KMT2C: variants seen among roughly 807,000 people sequenced by gnomAD.
KMT2C encodes histone-lysine N-methyltransferase 2C.
Under a neutral mutation model 507.9 loss-of-function variants are expected in KMT2C, and 88 were observed. The observed-to-expected ratio is 0.17, with a 90% CI of 0.15 to 0.21. The LOEUF is 0.21. Among genes scored for constraint, KMT2C ranks in the 10% least tolerant of loss-of-function variants. The pLI, the probability that KMT2C is intolerant of heterozygous loss-of-function variation, is 1.00. For missense variants in KMT2C, 4,954 were observed against 5,957.8 expected, an observed-to-expected ratio of 0.83 and a Z score of 5.55; for synonymous variants, 2,049 against 2,080.8, an observed-to-expected ratio of 0.98 and a Z score of 0.42.
intron 1 of KMT2C, among the ~76,000 whole-genome samples, chr7:152,415,139 C>T (rs1254558137): frequency 6.6e-6 from 1 of 152,084 alleles, no homozygotes; most frequent in African/African-American, 2.4e-5. Context: ...ATCCGGCCTT[C>T]AATATTTTCT....
Position 152,224,702 on chromosome 7 carries a change from T to A in KMT2C, c.2977-86A>T, listed in dbSNP as rs984144329. 1.8e-5 allele frequency: 16 copies of A among 866,388 alleles called. No homozygotes were observed. In the African/African-American group the frequency reaches 2.7e-4, roughly 15 times the overall value. The allele number at this position is 866,388 out of a possible 1,614,324, so 53.7% of individuals were successfully genotyped here. A position where few individuals can be genotyped will look rare whatever the true frequency, so the allele number is the denominator to read the frequency against. ...TATATAAATTAATATGGTGCTTATG[T>A]ACCTAGAAGCAGAAAAGAGGCAATC... is the stretch of plus-strand genomic sequence containing the variant. On this transcript the variant is annotated intron_variant, in intron 18 of 58. Transcript: ENST00000262189.
chr7:152,239,235 A>G (rs1280026710), intron 14 of KMT2C, among the ~76,000 whole-genome samples: 1 of 152,220 alleles, frequency 6.6e-6, no homozygotes, highest in Non-Finnish European at 1.5e-5. Context: ...ACTTAAAAGG[A>G]GAAATGGATA....
chr7:152,147,343 GT>G (rs2129094409), intron 52 of KMT2C, among the ~76,000 whole-genome samples: 1 of 152,082 alleles, frequency 6.6e-6, no homozygotes, highest in African/African-American at 2.4e-5. Flanking sequence ...AATGTATACA[GT>G]ATGATTTAGA....
At chr7:152,155,839 CACAT>C (rs895864330) in intron 46 of KMT2C, 67 bp downstream of exon 46, 4 of 1,411,210 alleles carry the variant, frequency 2.8e-6, no homozygotes, top group African/African-American at 1.5e-5. Context: ...GACATTATGC[CACAT>C]ACATACATTT....
rs1047338409 is a variant in KMT2C at position 152,158,769 on chromosome 7, C to A, written c.11670+94G>T. On this transcript the variant is annotated intron_variant, in intron 44 of 58. Coordinates refer to ENST00000262189, the MANE Select transcript of KMT2C (RefSeq NM_170606.3). ...GCCTCAAGTGATCCACCTGCCTCAGCCTCCCAAAGTGCTGGGATTACAGGC... is the reference window on the plus strand; with the variant it reads ...GCCTCAAGTGATCCACCTGCCTCAGACTCCCAAAGTGCTGGGATTACAGGC... 3.5e-6 allele frequency: 4 copies of A among 1,137,774 alleles called. No individual in the cohort carries two copies. The African/African-American group carries it at 4.6e-5, about 13-fold the overall frequency. The allele number at this position is 1,137,774 out of a possible 1,614,324, so 70.5% of individuals were successfully genotyped here. A position where few individuals can be genotyped will look rare whatever the true frequency, so the allele number is the denominator to read the frequency against.
At chr7:152,302,175 A>G (rs977861043) in intron 6 of KMT2C, among the ~76,000 whole-genome samples, 1 of 152,162 alleles carries the variant, frequency 6.6e-6, no homozygotes, top group South Asian at 2.1e-4. Flanking sequence ...GAAGGAAGAG[A>G]TTACCAATTC....
intron 3 of KMT2C, among the ~76,000 whole-genome samples, chr7:152,322,587 G>A (rs1171562817): frequency 2.0e-5 from 3 of 151,906 alleles, no homozygotes; most frequent in Admixed American, 6.6e-5. Context: ...TTATGTTTCG[G>A]ATGTCAAACT....
At chr7:152,298,376 A>T (rs1311781409) in intron 6 of KMT2C, among the ~76,000 whole-genome samples, 9 of 152,210 alleles carry the variant, frequency 5.9e-5, no homozygotes, top group African/African-American at 1.9e-4. Context: ...GTTCAAAATC[A>T]GGGATATATT....
At chr7:152,178,392 A>G (rs750675864) in intron 37 of KMT2C, among the ~76,000 whole-genome samples, 9 of 152,156 alleles carry the variant, frequency 5.9e-5, no homozygotes, top group Non-Finnish European at 1.3e-4. Flanking sequence ...GAGGAAGCTG[A>G]TTCGGGGATG....
intron 7 of KMT2C, among the ~76,000 whole-genome samples, chr7:152,269,697 C>CACAAAAGTA (rs2095924283): frequency 2.0e-5 from 3 of 152,120 alleles, no homozygotes; most frequent in African/African-American, 2.4e-5. Flanking sequence ...GCAAACTTTA[C>CACAAAAGTA]TACTGATCAA....
intron 8 of KMT2C, 149 bp from the exon 9 acceptor site, chr7:152,263,279 C>A (rs754595312): frequency 1.6e-5 from 10 of 616,836 alleles, no homozygotes; most frequent in African/African-American, 7.5e-5. Flanking sequence ...ACAGAGGTAA[C>A]CCTGCCATAA....
In KMT2C at chr7:152,351,781, C is replaced by T. The variant is rs533676541; in HGVS notation, c.250+6806G>A. Among the ~76,000 whole-genome samples, 35 of 152,226 alleles carry T rather than the reference C, an allele frequency of 2.3e-4. 1 individual carries two copies. The highest frequency in any genetic ancestry group is 1.2e-3 in the Admixed American group (18 of 15,292). On this transcript the variant is annotated intron_variant, in intron 2 of 58. Transcript: ENST00000262189. ...GCACTTATCACTTCCCCAATCAATA[C>T]CCTTGTGATTTCCTATGCCTGTCTT...
chr7:152,215,688 T>TATATATATATATATAC (rs766518165), intron 23 of KMT2C, among the ~76,000 whole-genome samples: 23 of 134,496 alleles, frequency 1.7e-4, no homozygotes, highest in African/African-American at 7.4e-4. Flanking sequence ...TATATATATA[T>TATATATATATATATAC]ACACACACAC....
chr7:152,155,240 C>T (rs983634328), intron 46 of KMT2C, among the ~76,000 whole-genome samples: 1 of 152,152 alleles, frequency 6.6e-6, no homozygotes, highest in Non-Finnish European at 1.5e-5. Flanking sequence ...TTCTCCACTT[C>T]GGTCCAAAGT....
chr7:152,219,278 C>CTTCT (rs112577043), intron 23 of KMT2C, among the ~76,000 whole-genome samples: 15,585 of 152,008 alleles, frequency 0.1, 1,742 homozygotes, highest in African/African-American at 0.28. Context: ...CCAGGCAATT[C>CTTCT]TTATCAAACT....
chr7:152,329,930 GATCA>G (rs990915899), intron 3 of KMT2C, among the ~76,000 whole-genome samples: 5 of 152,166 alleles, frequency 3.3e-5, no homozygotes, highest in Admixed American at 2.6e-4. Context: ...TGGATCATGA[GATCA>G]GGAGATCGAG....
At chr7:152,201,086 G>A (rs2094122267) in intron 26 of KMT2C, among the ~76,000 whole-genome samples, 1 of 152,116 alleles carries the variant, frequency 6.6e-6, no homozygotes, top group South Asian at 2.1e-4. Context: ...ATAAATCTGA[G>A]AAATCTTACA....
chr7:152,407,944 TTACAAAATATGGAACATA>T (rs950728442), intron 1 of KMT2C, among the ~76,000 whole-genome samples: 6 of 152,418 alleles, frequency 3.9e-5, no homozygotes, highest in African/African-American at 1.4e-4. Flanking sequence ...TCAACAGTCC[TTACAAAATATGGAACATA>T]TACTTCAGTA....
rs967981355 is a variant in KMT2C at position 152,280,850 on chromosome 7, A to AT, written c.850-6984dup. Among the ~76,000 whole-genome samples, 1,460 of 151,832 alleles carry AT rather than the reference A, an allele frequency of 9.6e-3. 26 individuals carry two copies. Among genetic ancestry groups the AT allele is most frequent in the African/African-American group, 0.034 (1,391 of 41,418 alleles). On this transcript the variant is annotated intron_variant, in intron 6 of 58. Coordinates refer to ENST00000262189, the MANE Select transcript of KMT2C (RefSeq NM_170606.3). ...GCCAAATCACTATTACATTTTTAAG[A>AT]TTTTTTTTTAAACATTATACTTACA...
Sources: gnomAD v4.1 joint callset for allele counts (sites outside exome capture counted in the v4.1 genomes callset) on GRCh38, gnomAD v4.1.1 for gene constraint, MANE v1.5 for transcripts, NCBI Gene and HGNC (gene_info 2026-07-23, HGNC 2026-07-21) for gene names.